Variants in SLC36A1 observed in about 807,000 individuals in gnomAD.
The protein encoded by SLC36A1 is solute carrier family 36 member 1.
Under a neutral mutation model 47.5 loss-of-function variants are expected in SLC36A1, and 30 were observed. The observed-to-expected ratio is 0.63, with a 90% CI of 0.47 to 0.86. The LOEUF (loss-of-function observed/expected upper bound fraction) is 0.86, where lower values mean the gene tolerates loss of function less well. Among genes scored for constraint, SLC36A1 ranks in the 40% least tolerant of loss-of-function variants. SLC36A1 has a pLI of 0.00. For synonymous variants in SLC36A1, 255 were observed against 249.7 expected, an observed-to-expected ratio of 1.02 and a Z score of -0.20; for missense variants, 517 against 606.0, an observed-to-expected ratio of 0.85 and a Z score of 1.54.
rs562061778 is a variant in SLC36A1 at position 151,480,172 on chromosome 5, C to A, written c.1159+683C>A. 6.8e-5 allele frequency: 65 copies of A among 953,598 alleles called. 1 individual carries two copies. The highest frequency in any genetic ancestry group is 8.6e-5 in the Non-Finnish European group (59 of 689,204). The allele number at this position is 953,598 out of a possible 1,614,324, so 59.1% of individuals were successfully genotyped here. On this transcript the variant is annotated intron_variant, in intron 10 of 10. Transcript: ENST00000243389. ...TTCTGTGAGTTGGTAGACTAGAGAACCCCTGAGCAAATCGGTTGATAATAG... is the reference window on the plus strand; with the variant it reads ...TTCTGTGAGTTGGTAGACTAGAGAAACCCTGAGCAAATCGGTTGATAATAG...
At chr5:151,482,687 G>A (rs776098490) in intron 10 of SLC36A1, among the ~76,000 whole-genome samples, 4 of 152,052 alleles carry the variant, frequency 2.6e-5, no homozygotes, top group African/African-American at 4.8e-5. Context: ...CACTGTATTG[G>A]TGGATCATAT....
chr5:151,346,422 A>G, the SLC36A1 span, among the ~76,000 whole-genome samples: 2 of 151,892 alleles, frequency 1.3e-5, no homozygotes, highest in Non-Finnish European at 2.9e-5. Flanking sequence ...ACATCCTCCG[A>G]TTTTGTTTCC....
chr5:151,362,316 T>A, the SLC36A1 span, among the ~76,000 whole-genome samples: 1 of 152,008 alleles, frequency 6.6e-6, no homozygotes, highest in South Asian at 2.1e-4. Flanking sequence ...CTATATAGTA[T>A]TGATCCTTCT....
At chr5:151,458,304 G>GTGTGTGTGTA (rs1175105944) in intron 1 of SLC36A1, among the ~76,000 whole-genome samples, 6 of 76,592 alleles carry the variant, frequency 7.8e-5, no homozygotes, top group African/African-American at 4.4e-4. Flanking sequence ...ACATACACGT[G>GTGTGTGTGTA]TATATACGTA....
chr5:151,517,148 T>C, the SLC36A1 span, among the ~76,000 whole-genome samples: 1 of 151,822 alleles, frequency 6.6e-6, no homozygotes, highest in African/African-American at 2.4e-5. Context: ...GATTGGCATA[T>C]GTGATAGAGG....
the SLC36A1 span, among the ~76,000 whole-genome samples, chr5:151,363,691 C>A: frequency 6.6e-6 from 1 of 152,124 alleles, no homozygotes; most frequent in Non-Finnish European, 1.5e-5. Context: ...TTAAACAATT[C>A]AACTTTTTCT....
the SLC36A1 span, among the ~76,000 whole-genome samples, chr5:151,368,296 G>A: frequency 2.6e-5 from 4 of 152,182 alleles, no homozygotes; most frequent in Admixed American, 1.3e-4. Flanking sequence ...TTACTGTGGC[G>A]CTTATAAGCC....
intron 8 of SLC36A1, 22 bp from the exon 9 acceptor site, chr5:151,476,568 C>T: frequency 7.0e-7 from 1 of 1,433,652 alleles, no homozygotes; most frequent in Non-Finnish European, 9.2e-7. Flanking sequence ...ACTTTCTCTC[C>T]TCTCTCACTA....
At chr5:151,484,254 G>A (rs1197582133) in intron 10 of SLC36A1, among the ~76,000 whole-genome samples, 1 of 152,174 alleles carries the variant, frequency 6.6e-6, no homozygotes, top group Non-Finnish European at 1.5e-5. Context: ...TCTCCTGCCA[G>A]GGACTCATTT....
chr5:151,542,554 G>C, the SLC36A1 span: 65 of 1,614,060 alleles, frequency 4.0e-5, no homozygotes, highest in Non-Finnish European at 5.3e-5. Flanking sequence ...CTGGAGTGTG[G>C]TGATCCAACC....
rs1264807376 is a variant in SLC36A1 at position 151,490,432 on chromosome 5, C to T, written c.*2178C>T. ...GCCAGACCTGTGTCCTGCCCATGTCCTCCTTGGTGGACGTTTCTGTTTACT... is the reference window on the plus strand; with the variant it reads ...GCCAGACCTGTGTCCTGCCCATGTCTTCCTTGGTGGACGTTTCTGTTTACT... On this transcript the variant is annotated 3_prime_UTR_variant, in exon 11 of 11. Transcript: ENST00000243389. The T allele has an allele frequency of 6.6e-6, 1 of 152,308 alleles. No individual in the cohort carries two copies. The highest frequency in any genetic ancestry group is 1.5e-5 in the Non-Finnish European group (1 of 68,150). 9.4% of individuals were successfully genotyped at this position (152,308 alleles called of 1,614,324 possible).
At chr5:151,527,135 G>T in the SLC36A1 span, 1 of 1,255,270 alleles carries the variant, frequency 8.0e-7, no homozygotes, top group Non-Finnish European at 1.1e-6. Context: ...CAAAGTCACA[G>T]TCATTGTTCA....
At chr5:151,482,486 TC>T (rs1758930084) in intron 10 of SLC36A1, among the ~76,000 whole-genome samples, 1 of 152,232 alleles carries the variant, frequency 6.6e-6, no homozygotes, top group Non-Finnish European at 1.5e-5. Flanking sequence ...AAGAAGAAAT[TC>T]CAGTATTCCA....
chr5:151,439,140 A>G (rs1006139130), intron 1 of SLC36A1, among the ~76,000 whole-genome samples: 2 of 151,640 alleles, frequency 1.3e-5, no homozygotes, highest in African/African-American at 4.9e-5. Context: ...GAGAGAGTGC[A>G]GGGGAAACTG....
At chr5:151,505,199 T>A in the SLC36A1 span, 1 of 337,896 alleles carries the variant, frequency 3.0e-6, no homozygotes, top group South Asian at 3.2e-5. Context: ...GAATGCATCT[T>A]GGTGAAGTTG....
chr5:151,544,045 C>T, the SLC36A1 span: 1 of 1,614,144 alleles, frequency 6.2e-7, no homozygotes, highest in Non-Finnish European at 8.5e-7. Flanking sequence ...AAGGGTTTCA[C>T]CAGTGAGTGG....
At chr5:151,500,962 T>C in the SLC36A1 span, among the ~76,000 whole-genome samples, 1 of 152,206 alleles carries the variant, frequency 6.6e-6, no homozygotes, top group African/African-American at 2.4e-5. Context: ...AGGCGGGGCC[T>C]GGTGGGGAGA....
the SLC36A1 span, chr5:151,505,483 C>T: frequency 1.9e-6 from 3 of 1,549,398 alleles, no homozygotes; most frequent in African/African-American, 2.8e-5. Flanking sequence ...CAGCCACACT[C>T]AACTCACCCC....
the SLC36A1 span, chr5:151,534,304 A>G: frequency 1.3e-6 from 1 of 792,420 alleles, no homozygotes; most frequent in Non-Finnish European, 2.0e-6. Flanking sequence ...CTCAACAAGG[A>G]GGCACCGCCC....
Sources: gnomAD v4.1 joint callset for allele counts (sites outside exome capture counted in the v4.1 genomes callset) on GRCh38, gnomAD v4.1.1 for gene constraint, MANE v1.5 for transcripts, NCBI Gene and HGNC (gene_info 2026-07-23, HGNC 2026-07-21) for gene names.